The following FAM135B variants were observed in gnomAD, a reference collection of about 807,000 sequenced individuals.
FAM135B encodes the protein protein FAM135B.
In FAM135B, 43 loss-of-function variants were observed where a neutral mutation model predicts 127.7. The observed-to-expected ratio is 0.34, with a 90% CI of 0.26 to 0.43. FAM135B has a LOEUF of 0.43. Among genes scored for constraint, FAM135B ranks in the 20% least tolerant of loss-of-function variants. The pLI is 1.00. For synonymous variants in FAM135B, 670 were observed against 665.1 expected (o/e 1.01, Z -0.11); for missense variants, 1,558 against 1,725.6 (o/e 0.90, Z 1.72).
At chr8:138,158,933 C>A (rs1238428062) in intron 12 of FAM135B, among the ~76,000 whole-genome samples, 2 of 152,188 alleles carry the variant, frequency 1.3e-5, no homozygotes, top group Non-Finnish European at 2.9e-5. Flanking sequence ...CCAGCCAAAC[C>A]ATTACTGGAT....
chr8:138,258,971 A>G (rs1369317858), intron 4 of FAM135B, among the ~76,000 whole-genome samples: 3 of 152,222 alleles, frequency 2.0e-5, no homozygotes, highest in Non-Finnish European at 2.9e-5. Flanking sequence ...TAGCATTTAC[A>G]GAAGAGTTAT....
chr8:138,454,890 C>G (rs1836691095), intron 1 of FAM135B, among the ~76,000 whole-genome samples: 1 of 152,228 alleles, frequency 6.6e-6, no homozygotes. Context: ...CACAGTTTCT[C>G]ACCTTCGTGT....
At chr8:138,173,574 G>A (rs932703619) in intron 11 of FAM135B, among the ~76,000 whole-genome samples, 9 of 152,284 alleles carry the variant, frequency 5.9e-5, no homozygotes, top group Admixed American at 5.9e-4. Context: ...ACGAGCCAAA[G>A]CATGTAACGC....
chr8:138,420,338 C>A (rs1222450772), intron 1 of FAM135B, among the ~76,000 whole-genome samples: 3 of 151,792 alleles, frequency 2.0e-5, no homozygotes, highest in African/African-American at 7.3e-5. Context: ...ATAATGCATT[C>A]CAAAACTGAA....
chr8:138,431,825 G>A (rs1314394009), intron 1 of FAM135B, among the ~76,000 whole-genome samples: 1 of 152,116 alleles, frequency 6.6e-6, no homozygotes, highest in Non-Finnish European at 1.5e-5. Flanking sequence ...TTTGCAAGAT[G>A]GAATACAGAT....
chr8:138,196,240 T>C (rs1033071324), intron 8 of FAM135B, among the ~76,000 whole-genome samples: 5 of 152,204 alleles, frequency 3.3e-5, no homozygotes, highest in Non-Finnish European at 5.9e-5. Flanking sequence ...AAAATCTCCA[T>C]TTTTCATTTG....
intron 1 of FAM135B, among the ~76,000 whole-genome samples, chr8:138,387,759 G>T (rs2131312400): frequency 6.6e-6 from 1 of 152,218 alleles, no homozygotes; most frequent in African/African-American, 2.4e-5. Context: ...GTGCCAGAGA[G>T]AATAATCACA....
intron 19 of FAM135B, among the ~76,000 whole-genome samples, chr8:138,133,504 C>G (rs1363050854): frequency 6.6e-6 from 1 of 152,126 alleles, no homozygotes; most frequent in Non-Finnish European, 1.5e-5. Flanking sequence ...TTTATGACAA[C>G]TTTTGTATCA....
intron 1 of FAM135B, among the ~76,000 whole-genome samples, chr8:138,396,528 C>A (rs546936768): frequency 8.1e-4 from 123 of 152,166 alleles, no homozygotes; most frequent in Non-Finnish European, 1.4e-3. Context: ...GAGCGAATGC[C>A]TGATAAATAT....
intron 1 of FAM135B, among the ~76,000 whole-genome samples, chr8:138,413,294 G>A (rs540353674): frequency 6.6e-5 from 10 of 151,964 alleles, no homozygotes; most frequent in African/African-American, 2.2e-4. Flanking sequence ...GAGTTCCCCT[G>A]TCTCATCACC....
At chr8:138,274,883 C>CT (rs1000267131) in intron 3 of FAM135B, among the ~76,000 whole-genome samples, 1,450 of 143,614 alleles carry the variant, frequency 0.01, 15 homozygotes, top group Middle Eastern at 0.028. Flanking sequence ...TTATCCTGTT[C>CT]TTTTTTTTTT....
intron 3 of FAM135B, among the ~76,000 whole-genome samples, chr8:138,274,816 C>A (rs184051970): frequency 6.6e-6 from 1 of 151,966 alleles, no homozygotes; most frequent in Admixed American, 6.6e-5. Flanking sequence ...CTGTTCCACC[C>A]GGCTCACCGG....
intron 12 of FAM135B, among the ~76,000 whole-genome samples, chr8:138,165,122 ATTT>A (rs5895498): frequency 1.4e-5 from 2 of 142,506 alleles, no homozygotes; most frequent in Non-Finnish European, 1.5e-5. Flanking sequence ...TATTTAATTG[ATTT>A]TTTTTTTTTT....
At chr8:138,305,576 T>C (rs1473869691) in intron 3 of FAM135B, among the ~76,000 whole-genome samples, 1 of 152,240 alleles carries the variant, frequency 6.6e-6, no homozygotes, top group Non-Finnish European at 1.5e-5. Context: ...AAGCAAGCCT[T>C]TGAAGAAAGC....
intron 7 of FAM135B, among the ~76,000 whole-genome samples, chr8:138,236,383 A>G (rs1317730388): frequency 6.8e-6 from 1 of 146,332 alleles, no homozygotes; most frequent in African/African-American, 2.6e-5. Context: ...ATAAATGGAT[A>G]AAGAACACAC....
intron 2 of FAM135B, among the ~76,000 whole-genome samples, chr8:138,336,651 G>T (rs1828615435): frequency 1.3e-5 from 2 of 152,134 alleles, no homozygotes; most frequent in South Asian, 2.1e-4. Flanking sequence ...GGACCAGATG[G>T]ATTCACAGCC....
chr8:138,135,652 T>C (rs1816593564), intron 19 of FAM135B, among the ~76,000 whole-genome samples: 1 of 152,144 alleles, frequency 6.6e-6, no homozygotes, highest in African/African-American at 2.4e-5. Flanking sequence ...ATTAACATTT[T>C]CCTCCAATAA....
At chr8:138,200,075 A>G (rs1416318913) in intron 7 of FAM135B, among the ~76,000 whole-genome samples, 1 of 152,190 alleles carries the variant, frequency 6.6e-6, no homozygotes, top group Non-Finnish European at 1.5e-5. Context: ...CTCAGGTCTG[A>G]AGGTAGGGCT....
intron 1 of FAM135B, among the ~76,000 whole-genome samples, chr8:138,465,884 A>G (rs182942934): frequency 2.2e-3 from 340 of 152,234 alleles, no homozygotes; most frequent in Non-Finnish European, 3.8e-3. Context: ...GGTTCAAGCG[A>G]ATATACTGCC....
Sources: gnomAD v4.1 joint callset for allele counts (sites outside exome capture counted in the v4.1 genomes callset) on GRCh38, gnomAD v4.1.1 for gene constraint, MANE v1.5 for transcripts, NCBI Gene and HGNC (gene_info 2026-07-23, HGNC 2026-07-21) for gene names.